The following ZFPM2 variants were observed in gnomAD, a reference collection of about 807,000 sequenced individuals.
ZFPM2 encodes zinc finger protein ZFPM2.
ZFPM2 carries 20 observed loss-of-function variants against 98.6 expected under a neutral mutation model. The observed-to-expected ratio is 0.20, with a 90% CI of 0.14 to 0.29. ZFPM2 has a LOEUF of 0.29. Ranked by LOEUF, ZFPM2 falls within the 10% of genes least tolerant of loss-of-function variation. The pLI is 1.00. For missense variants in ZFPM2, 1,310 were observed against 1,388.6 expected, an observed-to-expected ratio of 0.94 and a Z score of 0.90; for synonymous variants, 518 against 502.7, an observed-to-expected ratio of 1.03 and a Z score of -0.41.
intron 3 of ZFPM2, among the ~76,000 whole-genome samples, chr8:105,515,772 G>A (rs557944461): frequency 7.2e-5 from 11 of 152,152 alleles, no homozygotes; most frequent in South Asian, 4.1e-4. Flanking sequence ...CATGGACTCC[G>A]TGCAGACATT....
At chr8:105,621,202 A>C (rs202197959) in intron 4 of ZFPM2, among the ~76,000 whole-genome samples, 3 of 151,900 alleles carry the variant, frequency 2.0e-5, no homozygotes, top group African/African-American at 4.8e-5. Context: ...CTCTTATTTC[A>C]TTGAGCAGTG....
chr8:105,330,280 C>T (rs576736817), intron 1 of ZFPM2, among the ~76,000 whole-genome samples: 43 of 151,282 alleles, frequency 2.8e-4, no homozygotes, highest in African/African-American at 9.9e-4. Flanking sequence ...ACAGTTGGGT[C>T]TCAGCAAATG....
At chr8:105,331,913 T>G (rs7845734) in intron 1 of ZFPM2, among the ~76,000 whole-genome samples, 31,961 of 151,642 alleles carry the variant, frequency 0.21, 4,272 homozygotes, top group East Asian at 0.52. Context: ...TCACCTCTCT[T>G]CCAGTGGACA....
chr8:105,612,284 A>G (rs935916249), intron 4 of ZFPM2, among the ~76,000 whole-genome samples: 8 of 152,170 alleles, frequency 5.3e-5, no homozygotes, highest in Non-Finnish European at 7.3e-5. Context: ...TTTTACTATA[A>G]AATAGCTGAT....
intron 4 of ZFPM2, among the ~76,000 whole-genome samples, chr8:105,616,460 G>A (rs988421469): frequency 4.0e-5 from 6 of 151,752 alleles, no homozygotes; most frequent in African/African-American, 1.5e-4. Context: ...TTATATTTAT[G>A]ACACATTGAT....
chr8:105,684,571 A>G (rs781308884), intron 5 of ZFPM2, among the ~76,000 whole-genome samples: 2 of 152,126 alleles, frequency 1.3e-5, no homozygotes, highest in Non-Finnish European at 2.9e-5. Context: ...TAGGCTGAAA[A>G]TTTAGCATGG....
chr8:105,346,111 C>T (rs766173833), intron 1 of ZFPM2, among the ~76,000 whole-genome samples: 5 of 152,106 alleles, frequency 3.3e-5, no homozygotes, highest in Non-Finnish European at 7.4e-5. Flanking sequence ...CTTGGGCCGG[C>T]ACAGTTGCTC....
intron 3 of ZFPM2, among the ~76,000 whole-genome samples, chr8:105,492,301 A>G (rs1440042661): frequency 6.6e-6 from 1 of 152,194 alleles, no homozygotes; most frequent in Admixed American, 6.5e-5. Context: ...CTGTATACCA[A>G]TTACATATGT....
At chr8:105,665,527 A>G (rs192719800) in intron 5 of ZFPM2, among the ~76,000 whole-genome samples, 14 of 152,318 alleles carry the variant, frequency 9.2e-5, no homozygotes, top group African/African-American at 2.9e-4. Context: ...AAATGATTGC[A>G]TTCTCTGTTC....
intron 5 of ZFPM2, among the ~76,000 whole-genome samples, chr8:105,778,555 C>CTCTGGGGGAAT (rs1385588201): frequency 6.6e-6 from 1 of 151,950 alleles, no homozygotes; most frequent in African/African-American, 2.4e-5. Flanking sequence ...CAGAGAATGG[C>CTCTGGGGGAAT]TTTAATTTTA....
chr8:105,466,924 C>A (rs1017475363), intron 3 of ZFPM2, among the ~76,000 whole-genome samples: 1 of 151,946 alleles, frequency 6.6e-6, no homozygotes, highest in Non-Finnish European at 1.5e-5. Context: ...AGTTTCAAGT[C>A]CTGTTTCAAC....
rs1352883689 is a variant in ZFPM2, at chr8:105,680,002, A to C, written c.532+45645A>C. On this transcript the variant is annotated intron_variant, in intron 5 of 7. Transcript: ENST00000407775. ...CAAGTTTGCATAAGGTAAATTACAT[A>C]TAATATTTGATTTGTTCTCCACATT... Among the ~76,000 whole-genome samples, 14 of 152,144 alleles carry C rather than the reference A, an allele frequency of 9.2e-5. 1 individual carries two copies. The highest frequency in any genetic ancestry group is 3.9e-4 in the Admixed American group (6 of 15,260).
intron 3 of ZFPM2, among the ~76,000 whole-genome samples, chr8:105,487,417 C>A (rs1175713639): frequency 6.6e-6 from 1 of 152,140 alleles, no homozygotes; most frequent in African/African-American, 2.4e-5. Context: ...CCATATCCAG[C>A]CACAATATGT....
At chr8:105,353,098 A>G (rs1812679229) in intron 1 of ZFPM2, among the ~76,000 whole-genome samples, 1 of 152,218 alleles carries the variant, frequency 6.6e-6, no homozygotes, top group South Asian at 2.1e-4. Flanking sequence ...AAGCAAAAAC[A>G]TAAACCTTCC....
chr8:105,389,013 CGTGTGTGTGT>C (rs142145699), intron 1 of ZFPM2, among the ~76,000 whole-genome samples: 2,521 of 134,884 alleles, frequency 0.019, 29 homozygotes, highest in South Asian at 0.025. Context: ...AATTTGATGA[CGTGTGTGTGT>C]GTGTGTGTGT....
intron 3 of ZFPM2, among the ~76,000 whole-genome samples, chr8:105,526,932 T>C (rs1245745364): frequency 1.3e-5 from 2 of 152,140 alleles, no homozygotes; most frequent in East Asian, 3.9e-4. Flanking sequence ...ATTTACCATC[T>C]GTGAGACCTT....
At chr8:105,469,028 T>C (rs991732110) in intron 3 of ZFPM2, among the ~76,000 whole-genome samples, 5 of 152,080 alleles carry the variant, frequency 3.3e-5, no homozygotes, top group African/African-American at 1.2e-4. Context: ...TTCTCACTTG[T>C]CCCATAGGGG....
chr8:105,777,394 C>T (rs1352118155), intron 5 of ZFPM2, among the ~76,000 whole-genome samples: 2 of 152,162 alleles, frequency 1.3e-5, no homozygotes, highest in African/African-American at 2.4e-5. Flanking sequence ...TTTGTCCATT[C>T]CTCTTGATTG....
At chr8:105,701,276 T>C (rs1359424987) in intron 5 of ZFPM2, among the ~76,000 whole-genome samples, 2 of 152,212 alleles carry the variant, frequency 1.3e-5, no homozygotes, top group Admixed American at 6.5e-5. Context: ...AATGCTATTA[T>C]AAAGTCAGTT....
Sources: allele counts gnomAD v4.1 joint callset (sites outside exome capture counted in the v4.1 genomes callset), GRCh38; gene constraint gnomAD v4.1.1; transcripts MANE v1.5; gene names NCBI Gene and HGNC (gene_info 2026-07-23, HGNC 2026-07-21).